Variants in VPS13B observed in about 807,000 individuals in gnomAD.
VPS13B encodes the protein intermembrane lipid transfer protein VPS13B.
VPS13B carries 285 observed loss-of-function variants against 426.4 expected under a neutral mutation model. The ratio of observed to expected loss-of-function variants is 0.67; its 90% CI spans 0.61 to 0.74. The LOEUF (loss-of-function observed/expected upper bound fraction) is 0.74, where lower values mean the gene tolerates loss of function less well. Among genes scored for constraint, VPS13B ranks in the 30% least tolerant of loss-of-function variants. The pLI is 0.00. For synonymous variants in VPS13B, 1,676 were observed against 1,676.4 expected (o/e 1.00, Z 0.01); for missense variants, 4,537 against 4,782.6 (o/e 0.95, Z 1.51).
chr8:99,139,898 C>CT (rs984473743), intron 12 of VPS13B, among the ~76,000 whole-genome samples: 8 of 149,322 alleles, frequency 5.4e-5, no homozygotes, highest in South Asian at 4.3e-4. Flanking sequence ...TTTGTGACAA[C>CT]TTTTTTTTTG....
rs138127778 is a variant in VPS13B at position 99,848,882 on chromosome 8, C to T, written c.10049C>T (p.Thr3350Ile). 8.5e-3 allele frequency: 13,795 copies of T among 1,613,934 alleles called. 72 individuals carry two copies. Among genetic ancestry groups the T allele is most frequent in the Middle Eastern group, 0.012 (70 of 6,062 alleles). Reference sequence around the variant, plus strand: ...GAAGGAAAAGCAGGACCTATTTTAACCAATACCAACAGGTAGGTTTAATTA... The same window carrying T: ...GAAGGAAAAGCAGGACCTATTTTAATCAATACCAACAGGTAGGTTTAATTA... ...APEGKAGPIL[T>I]NTNRAPEKIV... is the part of the protein sequence containing the mutation. Residue 3350 changes from threonine to isoleucine, a missense_variant, in exon 55 of 62, where the codon ACC becomes ATC. Coordinates refer to ENST00000357162, the MANE Select transcript of VPS13B (RefSeq NM_152564.5).
At chr8:99,146,803 G>A (rs954995855) in intron 13 of VPS13B, among the ~76,000 whole-genome samples, 1 of 151,936 alleles carries the variant, frequency 6.6e-6, no homozygotes, top group Admixed American at 6.6e-5. Context: ...GAACTCCTGG[G>A]CTCAAACAAT....
Position 99,017,098 on chromosome 8 carries a change from C to T in VPS13B, c.147+3163C>T, listed in dbSNP as rs114204470. Among the ~76,000 whole-genome samples, 227 of 152,278 alleles carry T rather than the reference C, an allele frequency of 1.5e-3. 1 individual carries two copies. Among genetic ancestry groups the T allele is most frequent in the African/African-American group, 5.1e-3 (214 of 41,562 alleles). ...AAGAAATCTTAGCTTACACCAACATCGTGAAAATATTCTTTTATATTTCTT... is the reference window on the plus strand; with the variant it reads ...AAGAAATCTTAGCTTACACCAACATTGTGAAAATATTCTTTTATATTTCTT... On this transcript the variant is annotated intron_variant, in intron 2 of 61. Coordinates refer to ENST00000357162, the MANE Select transcript of VPS13B (RefSeq NM_152564.5).
chr8:99,619,569 T>C (rs1411838276), intron 33 of VPS13B, among the ~76,000 whole-genome samples: 1 of 152,174 alleles, frequency 6.6e-6, no homozygotes, highest in Non-Finnish European at 1.5e-5. Context: ...AATTTTATAA[T>C]GATTAAAAAT....
At chr8:99,589,798 C>CT (rs1312176959) in intron 33 of VPS13B, among the ~76,000 whole-genome samples, 1 of 152,072 alleles carries the variant, frequency 6.6e-6, no homozygotes, top group Non-Finnish European at 1.5e-5. Flanking sequence ...CTAATATTCT[C>CT]TTTTTTTATT....
At chr8:99,282,491 T>A (rs1394566959) in intron 19 of VPS13B, among the ~76,000 whole-genome samples, 1 of 152,166 alleles carries the variant, frequency 6.6e-6, no homozygotes, top group East Asian at 1.9e-4. Flanking sequence ...TTTACATATT[T>A]TATATGTCTA....
At chr8:99,729,165 G>C (rs1833485992) in intron 39 of VPS13B, among the ~76,000 whole-genome samples, 1 of 152,080 alleles carries the variant, frequency 6.6e-6, no homozygotes, top group Admixed American at 6.6e-5. Flanking sequence ...TGAATTTGGG[G>C]TCATTGTGAG....
intron 27 of VPS13B, 118 bp downstream of exon 27, chr8:99,503,068 T>G: frequency 1.4e-6 from 1 of 704,386 alleles, no homozygotes. Context: ...CAGGCATACC[T>G]CGGACATATT....
intron 39 of VPS13B, among the ~76,000 whole-genome samples, chr8:99,725,869 G>T (rs1833326326): frequency 6.6e-6 from 1 of 152,148 alleles, no homozygotes; most frequent in Admixed American, 6.5e-5. Flanking sequence ...AAGCTTACCT[G>T]CTCCCTTAAA....
chr8:99,600,962 A>G (rs1241773224), intron 33 of VPS13B, among the ~76,000 whole-genome samples: 1 of 152,068 alleles, frequency 6.6e-6, no homozygotes, highest in Non-Finnish European at 1.5e-5. Context: ...TTAAAGTTTC[A>G]AGGAGAAGCT....
At chr8:99,872,201 G>T (rs1241557240) in intron 61 of VPS13B, among the ~76,000 whole-genome samples, 1 of 152,132 alleles carries the variant, frequency 6.6e-6, no homozygotes, top group Non-Finnish European at 1.5e-5. Flanking sequence ...GTGGGTGCTG[G>T]AAAGGACCAA....
chr8:99,673,330 T>G (rs1322647910), intron 35 of VPS13B, among the ~76,000 whole-genome samples: 2 of 152,050 alleles, frequency 1.3e-5, no homozygotes, highest in Non-Finnish European at 2.9e-5. Flanking sequence ...TGTTCAGGTT[T>G]TCTGTTTCTT....
At chr8:99,035,934 G>A (rs555414166) in intron 2 of VPS13B, among the ~76,000 whole-genome samples, 1 of 151,982 alleles carries the variant, frequency 6.6e-6, no homozygotes, top group Non-Finnish European at 1.5e-5. Context: ...ATACTTATTG[G>A]CCATTTGTAT....
chr8:99,447,591 C>T (rs1467842142), intron 23 of VPS13B, among the ~76,000 whole-genome samples: 2 of 152,228 alleles, frequency 1.3e-5, no homozygotes, highest in African/African-American at 4.8e-5. Flanking sequence ...ACTTTGCATA[C>T]CTCTGTGTTT....
intron 17 of VPS13B, among the ~76,000 whole-genome samples, chr8:99,239,805 A>G (rs1211399603): frequency 6.6e-6 from 1 of 152,298 alleles, no homozygotes; most frequent in Middle Eastern, 3.4e-3. Context: ...TTCTGTTTAT[A>G]GTTAAACAGA....
chr8:99,730,072 T>C (rs1038699889), intron 39 of VPS13B, among the ~76,000 whole-genome samples: 7 of 152,226 alleles, frequency 4.6e-5, no homozygotes, highest in Admixed American at 4.6e-4. Context: ...CTTGGATGTT[T>C]CTTTTCAGCT....
intron 3 of VPS13B, among the ~76,000 whole-genome samples, chr8:99,050,161 T>A (rs1473189278): frequency 6.6e-6 from 1 of 152,056 alleles, no homozygotes; most frequent in African/African-American, 2.4e-5. Flanking sequence ...ATTAGGTATA[T>A]CTCCTAATGC....
At chr8:99,110,631 T>C (rs1847308939) in intron 5 of VPS13B, among the ~76,000 whole-genome samples, 1 of 152,078 alleles carries the variant, frequency 6.6e-6, no homozygotes, top group Non-Finnish European at 1.5e-5. Flanking sequence ...TAGCCACATA[T>C]GGCTGGTGGC....
chr8:99,665,495 A>G (rs1342868258), intron 35 of VPS13B, among the ~76,000 whole-genome samples: 3 of 152,218 alleles, frequency 2.0e-5, no homozygotes, highest in Non-Finnish European at 2.9e-5. Flanking sequence ...TAATTTTTGT[A>G]TAAGGTGTAA....
Sources: gnomAD v4.1 joint callset for allele counts (sites outside exome capture counted in the v4.1 genomes callset) on GRCh38, gnomAD v4.1.1 for gene constraint, MANE v1.5 for transcripts, NCBI Gene and HGNC (gene_info 2026-07-23, HGNC 2026-07-21) for gene names.